Variants in DCTN1 observed in about 807,000 individuals in gnomAD.
The protein encoded by DCTN1 is 150 kDa dynein-associated polypeptide.
In DCTN1, 61 loss-of-function variants were observed where a neutral mutation model predicts 161.2. The ratio of observed to expected loss-of-function variants is 0.38; its 90% CI spans 0.31 to 0.47. The LOEUF (loss-of-function observed/expected upper bound fraction) is 0.47. DCTN1 is among the 20% of genes least tolerant of loss of function. The pLI is 0.99. For missense variants in DCTN1, 1,404 were observed against 1,623.7 expected (o/e 0.86, Z 2.33); for synonymous variants, 653 against 632.4 (o/e 1.03, Z -0.49).
At chr2:74,374,877 G>C (rs1349182398) in intron 5 of DCTN1, 2 of 476,048 alleles carry the variant, frequency 4.2e-6, no homozygotes, top group South Asian at 1.5e-4. Flanking sequence ...CCCCAAGAGC[G>C]TGCTCCAAAA....
chr2:74,388,733 T>A (rs966654093), intron 1 of DCTN1, among the ~76,000 whole-genome samples: 1 of 152,226 alleles, frequency 6.6e-6, no homozygotes, highest in African/African-American at 2.4e-5. Context: ...CATCTCAGTA[T>A]CTAAGCACTC....
At chr2:74,362,023 C>T (rs930219634) in intron 31 of DCTN1, 29 bp downstream of exon 31, 1 of 1,609,454 alleles carries the variant, frequency 6.2e-7, no homozygotes, top group African/African-American at 1.3e-5. Context: ...TCCACACTGT[C>T]CCATCCTCCA....
Position 74,378,006 on chromosome 2 carries a change from C to G in DCTN1, c.273G>C (p.Gln91His). 1 of 1,614,240 alleles carries G rather than the reference C, an allele frequency of 6.2e-7. No individual in the cohort carries two copies. The part of the protein sequence containing the change: ...CDEGHGIFVR[Q>H]SQIQVFEDGA... Reference sequence around the variant, plus strand: ...AAAAGAAGGGCGTGAATACCTGGGACTGGCGCACAAAGATGCCATGCCCTT... The same window carrying G: ...AAAAGAAGGGCGTGAATACCTGGGAGTGGCGCACAAAGATGCCATGCCCTT... Residue 91 changes from glutamine to histidine, a missense_variant, in exon 2 of 32, where the codon CAG becomes CAC. Physicochemically the swap from Gln to His is conservative, Grantham distance 24. Around this residue, in one of 9 missense-constraint regions of DCTN1, gnomAD observed 174 missense variants for 175.6 expected, o/e 0.99. Coordinates refer to ENST00000628224, the MANE Select transcript of DCTN1 (RefSeq NM_004082.5).
intron 4 of DCTN1, 25 bp from the exon 5 acceptor site, chr2:74,376,787 G>A: frequency 6.3e-7 from 1 of 1,598,492 alleles, no homozygotes; most frequent in Non-Finnish European, 8.5e-7. Flanking sequence ...GGAAAGGGCA[G>A]AGTTAGAGAA....
chr2:74,388,549 G>C (rs1456769996), intron 1 of DCTN1, among the ~76,000 whole-genome samples: 3 of 152,174 alleles, frequency 2.0e-5, no homozygotes, highest in African/African-American at 7.2e-5. Flanking sequence ...TCAAGGCTCA[G>C]CCCAATTCTC....
chr2:74,364,941 A>G, intron 26 of DCTN1, 134 bp downstream of exon 26: 1 of 1,146,544 alleles, frequency 8.7e-7, no homozygotes, highest in Admixed American at 1.9e-5. Context: ...ACTGGCACAG[A>G]GTGAAACTGT....
intron 5 of DCTN1, chr2:74,374,877 G>T: frequency 2.1e-6 from 1 of 476,166 alleles, no homozygotes; most frequent in Middle Eastern, 1.1e-3. Context: ...CCCCAAGAGC[G>T]TGCTCCAAAA....
Position 74,363,188 on chromosome 2 carries a change from A to C in DCTN1, c.3346-11T>G, listed in dbSNP as rs758108258. On this transcript the variant is annotated splice_polypyrimidine_tract_variant and intron_variant, in intron 28 of 31. Coordinates refer to ENST00000628224, the MANE Select transcript of DCTN1 (RefSeq NM_004082.5). ...CTTCATCTGGGCTCCCTGTGGATGA[A>C]AAAAGAAGGATAGTGGTAAGAGGTG... is the stretch of plus-strand genomic sequence containing the variant. 1 of 1,614,110 alleles carries C rather than the reference A, an allele frequency of 6.2e-7. No homozygotes were observed. The highest frequency in any genetic ancestry group is 8.5e-7 in the Non-Finnish European group (1 of 1,179,984).
At position 74,368,306 on chromosome 2, in the gene DCTN1, G is replaced by C. The variant is rs539250728; in HGVS notation, c.1855-175C>G. On this transcript the variant is annotated intron_variant, in intron 16 of 31. Coordinates refer to ENST00000628224, the MANE Select transcript of DCTN1 (RefSeq NM_004082.5). ...TTGCATGGGGAAAGGGTAGTGATGT[G>C]ATTACTGGAGGTTGTGAGGAGTCAG... The C allele has an allele frequency of 1.1e-4, 92 of 816,614 alleles. 1 individual carries two copies. The South Asian group carries it at 1.5e-3, about 13-fold the overall frequency. The allele number at this position is 816,614 out of a possible 1,614,324, so 50.6% of individuals were successfully genotyped here.
chr2:74,373,148 G>A lies in DCTN1; in HGVS notation c.433-200C>T, dbSNP rs1674992010. 4.6e-5 allele frequency: 30 copies of A among 646,564 alleles called. No homozygotes were observed. The South Asian group carries it at 5.1e-4, about 11-fold the overall frequency. The allele number at this position is 646,564 out of a possible 1,614,324, so 40.1% of individuals were successfully genotyped here. A position where few individuals can be genotyped will look rare whatever the true frequency, so the allele number is the denominator to read the frequency against. ...CCTACTTCAGGAACCCAGAATTCCT[G>A]TTCCCCTTGGTTCCTGCTCCCACTT... On this transcript the variant is annotated intron_variant, in intron 6 of 31. Coordinates refer to ENST00000628224, the MANE Select transcript of DCTN1 (RefSeq NM_004082.5).
intron 16 of DCTN1, 168 bp from the exon 17 acceptor site, chr2:74,368,299 G>A: frequency 1.1e-6 from 1 of 874,126 alleles, no homozygotes; most frequent in Admixed American, 2.3e-5. Context: ...GGAAAGGGTA[G>A]TGATGTGATT....
rs1269913913 is a variant in DCTN1 at position 74,368,189 on chromosome 2, T to C, written c.1855-58A>G. On this transcript the variant is annotated intron_variant, in intron 16 of 31. Coordinates refer to ENST00000628224, the MANE Select transcript of DCTN1 (RefSeq NM_004082.5). ...AGAGCAGAGGATGGAGAACAGAGAC[T>C]CAGGAATATAGTACTCAGAGCTTAA... 3.2e-6 allele frequency: 5 copies of C among 1,549,850 alleles called. No homozygotes were observed. In the Admixed American group the frequency reaches 7.8e-5, roughly 24 times the overall value.
chr2:74,377,400 T>C (rs767828630), intron 4 of DCTN1, 32 bp downstream of exon 4: 9 of 1,593,074 alleles, frequency 5.6e-6, no homozygotes, highest in South Asian at 4.4e-5. Flanking sequence ...CCTCCCTTTA[T>C]TATTCCCCAT....
chr2:74,365,181 C>T lies in DCTN1; in HGVS notation c.3090G>A (p.Lys1030=), dbSNP rs1485385413. ...QADIDQLEAE[K]AELKQRLNSQ... ...TGTTCAGACGCTGCTTTAGTTCTGC[C>T]TTCTCTGCCTCCAGCTGGTCGATGT... is the stretch of plus-strand genomic sequence containing the variant. The change falls in exon 26 of 32, where the codon AAG becomes AAA. Residue 1030 remains lysine, a synonymous_variant. Transcript: ENST00000628224. 11 of 1,614,072 alleles carry T rather than the reference C, an allele frequency of 6.8e-6. No homozygotes were observed. Among genetic ancestry groups the T allele is most frequent in the Middle Eastern group, 1.6e-4 (1 of 6,084 alleles).
At chr2:74,363,198 A>C in intron 28 of DCTN1, 21 bp from the exon 29 acceptor site, 1 of 1,614,040 alleles carries the variant, frequency 6.2e-7, no homozygotes, top group Non-Finnish European at 8.5e-7. Context: ...AAAAAGAAGG[A>C]TAGTGGTAAG....
rs146083590 is a variant in DCTN1 at position 74,361,537 on chromosome 2, C to G, written c.3799G>C (p.Glu1267Gln). ...GQRHRLVLTQ[E>Q]QLHQLHSRLI... Reference sequence around the variant, plus strand: ...CGACTGTGAAGCTGGTGCAGCTGCTCCTGGGTCAGCACCAGCCGGTGTCGC... The same window carrying G: ...CGACTGTGAAGCTGGTGCAGCTGCTGCTGGGTCAGCACCAGCCGGTGTCGC... Residue 1267 changes from glutamate to glutamine, a missense_variant, in exon 32 of 32, where the codon GAG (glutamate) becomes CAG (glutamine). Physicochemically the swap from Glu to Gln is conservative, Grantham distance 29 (BLOSUM62 2). Transcript: ENST00000628224. The G allele has an allele frequency of 6.6e-5, 107 of 1,614,018 alleles. No individual in the cohort carries two copies. The highest frequency in any genetic ancestry group is 6.4e-4 in the South Asian group (58 of 91,084).
At chr2:74,376,874 A>T in intron 4 of DCTN1, 112 bp from the exon 5 acceptor site, 1 of 913,392 alleles carries the variant, frequency 1.1e-6, no homozygotes, top group Non-Finnish European at 1.8e-6. Flanking sequence ...AGTCAGGGTG[A>T]GATGAGTAGC....
intron 26 of DCTN1, chr2:74,363,831 A>C: frequency 1.5e-6 from 1 of 688,036 alleles, no homozygotes; most frequent in Non-Finnish European, 2.6e-6. Context: ...GACACCAAAC[A>C]GGAGTGAGGC....
intron 1 of DCTN1, among the ~76,000 whole-genome samples, chr2:74,379,182 C>T (rs1477096206): frequency 6.6e-6 from 1 of 152,132 alleles, no homozygotes; most frequent in Admixed American, 6.5e-5. Context: ...CCCAAATAGG[C>T]CCATGGTTTA....
Sources: gnomAD v4.1 joint callset for allele counts (sites outside exome capture counted in the v4.1 genomes callset) on GRCh38, gnomAD v4.1.1 for gene constraint, gnomAD v4.1.1 regional missense constraint, MANE v1.5 for transcripts, NCBI Gene and HGNC (gene_info 2026-07-23, HGNC 2026-07-21) for gene names.